PCNX1: variants seen among roughly 807,000 people sequenced by gnomAD.
PCNX1 encodes the protein pecanex-like protein 1.
PCNX1 carries 78 observed loss-of-function variants against 242.2 expected under a neutral mutation model. That is an observed-to-expected ratio of 0.32 (90% CI 0.27 to 0.39). The LOEUF is 0.39. PCNX1 is among the 10% of genes least tolerant of loss of function. The pLI is 1.00. For missense variants in PCNX1, 2,581 were observed against 2,856.5 expected (o/e 0.90, Z 2.20); for synonymous variants, 1,024 against 1,032.9 (o/e 0.99, Z 0.17).
chr14:71,105,420 C>T lies in PCNX1; in HGVS notation c.6281C>T (p.Thr2094Ile), dbSNP rs780711212. ...GSGTGLHPPVTSYPPTLGTSH... is the reference protein window; with the variant it reads ...GSGTGLHPPVISYPPTLGTSH... Reference sequence around the variant, plus strand: ...GGAACTGGACTCCACCCACCTGTCACATCTTATCCTCCAACACTAGGTAAT... The same window carrying T: ...GGAACTGGACTCCACCCACCTGTCATATCTTATCCTCCAACACTAGGTAAT... The change falls in exon 33 of 36, where the codon ACA becomes ATA. Residue 2094 changes from threonine (T) to isoleucine (I), a missense_variant. Thr to Ile is a moderately conservative substitution (Grantham distance 89). Transcript: ENST00000304743. 2 of 1,613,782 alleles carry T rather than the reference C, an allele frequency of 1.2e-6. No individual in the cohort carries two copies. The highest frequency in any genetic ancestry group is 1.7e-6 in the Non-Finnish European group (2 of 1,179,668).
At chr14:70,944,198 G>A (rs1157039102) in intron 1 of PCNX1, among the ~76,000 whole-genome samples, 1 of 152,104 alleles carries the variant, frequency 6.6e-6, no homozygotes, top group Non-Finnish European at 1.5e-5. Flanking sequence ...CTTGCACCAT[G>A]TGCCTAGAAA....
chr14:71,069,574 T>G (rs1385047772), intron 26 of PCNX1, among the ~76,000 whole-genome samples: 1 of 152,230 alleles, frequency 6.6e-6, no homozygotes, highest in African/African-American at 2.4e-5. Flanking sequence ...AGTATCGCAG[T>G]AAAGCAAGTC....
intron 1 of PCNX1, among the ~76,000 whole-genome samples, chr14:70,938,379 A>G (rs540515103): frequency 5.9e-4 from 90 of 152,270 alleles, no homozygotes; most frequent in African/African-American, 1.9e-3. Flanking sequence ...TTCTGCATCT[A>G]TTGAGATAAT....
chr14:70,972,826 C>T (rs2058580892), intron 5 of PCNX1, among the ~76,000 whole-genome samples: 1 of 152,182 alleles, frequency 6.6e-6, no homozygotes, highest in Admixed American at 6.5e-5. Flanking sequence ...ATCAGAACTT[C>T]AGACCGTCCC....
In PCNX1 at chr14:70,950,415, T is replaced by TA. The variant is rs553994162; in HGVS notation, c.362+3293dup. On this transcript the variant is annotated intron_variant, in intron 2 of 35. Coordinates refer to ENST00000304743, the MANE Select transcript of PCNX1 (RefSeq NM_014982.3). ...CAATGTATTTTATCCTATTTTAAAT[T>TA]ATATCAATCATTTTGAAATTTAAAT... Among the ~76,000 whole-genome samples the TA allele has an allele frequency of 6.0e-3, 915 of 152,260 alleles. 6 individuals are homozygous for TA. The highest frequency in any genetic ancestry group is 7.9e-3 in the Non-Finnish European group (538 of 67,970).
chr14:71,081,070 T>C (rs2061842449), intron 28 of PCNX1, among the ~76,000 whole-genome samples: 1 of 152,258 alleles, frequency 6.6e-6, no homozygotes, highest in Admixed American at 6.5e-5. Context: ...GGAGAGTTTT[T>C]AGCATGAAGG....
At chr14:71,031,707 G>A (rs1342613382) in intron 16 of PCNX1, 11 of 879,488 alleles carry the variant, frequency 1.3e-5, no homozygotes, top group African/African-American at 1.2e-4. Flanking sequence ...GAGCTAAGTG[G>A]CCTTTGGCCT....
At chr14:70,910,031 CCCTCCTCCTCCTCCTCCTCCTCCT>C (rs146962491) in intron 1 of PCNX1, among the ~76,000 whole-genome samples, 1 of 9,652 alleles carries the variant, frequency 1.0e-4, no homozygotes, top group South Asian at 1.7e-3. Flanking sequence ...GACGACTCCT[CCCTCCTCCTCCTCCTCCTCCTCCT>C]CCTCCTCCCC....
At chr14:70,943,534 A>G (rs2057342608) in intron 1 of PCNX1, among the ~76,000 whole-genome samples, 1 of 152,220 alleles carries the variant, frequency 6.6e-6, no homozygotes, top group Non-Finnish European at 1.5e-5. Context: ...ATTTCTAAGC[A>G]GCAAAGTGTT....
chr14:71,056,507 A>G lies in PCNX1; in HGVS notation c.4636+945A>G, dbSNP rs544130744. On this transcript the variant is annotated intron_variant, in intron 25 of 35. Transcript: ENST00000304743. ...CATTAGAATTTGGAGTTTCCCTTTCATTATTTTATTCAATTAGACTGGGTT... is the reference window on the plus strand; with the variant it reads ...CATTAGAATTTGGAGTTTCCCTTTCGTTATTTTATTCAATTAGACTGGGTT... Among the ~76,000 whole-genome samples the G allele has an allele frequency of 2.0e-5, 3 of 152,244 alleles. No homozygotes were observed. The South Asian group carries it at 6.2e-4, about 32-fold the overall frequency.
At chr14:71,098,035 A>C (rs1240686271) in intron 30 of PCNX1, among the ~76,000 whole-genome samples, 2 of 152,154 alleles carry the variant, frequency 1.3e-5, no homozygotes, top group Non-Finnish European at 2.9e-5. Context: ...CATTTATTGA[A>C]TAGGGAGTCC....
intron 1 of PCNX1, among the ~76,000 whole-genome samples, chr14:70,943,863 TG>T (rs2057360453): frequency 6.6e-6 from 1 of 152,236 alleles, no homozygotes; most frequent in African/African-American, 2.4e-5. Flanking sequence ...GGGGCCAATG[TG>T]CAGCTCAGGC....
At chr14:70,945,221 A>T (rs949761754) in intron 1 of PCNX1, among the ~76,000 whole-genome samples, 1 of 152,208 alleles carries the variant, frequency 6.6e-6, no homozygotes, top group Non-Finnish European at 1.5e-5. Context: ...GATTCCAAGG[A>T]TTTTAAGAGT....
chr14:70,930,589 T>A (rs1352854679), intron 1 of PCNX1, among the ~76,000 whole-genome samples: 1 of 152,094 alleles, frequency 6.6e-6, no homozygotes, highest in African/African-American at 2.4e-5. Flanking sequence ...CTATTATTTT[T>A]AATTCTATTT....
chr14:71,037,705 G>T (rs1443517404), intron 19 of PCNX1, among the ~76,000 whole-genome samples: 2 of 151,882 alleles, frequency 1.3e-5, no homozygotes, highest in Non-Finnish European at 2.9e-5. Context: ...ATTTTATTGA[G>T]GATTTTTGAA....
At chr14:71,024,022 T>TTTTGA (rs1182931453) in intron 13 of PCNX1, among the ~76,000 whole-genome samples, 1 of 152,182 alleles carries the variant, frequency 6.6e-6, no homozygotes, top group Non-Finnish European at 1.5e-5. Flanking sequence ...CAACTTTTTA[T>TTTTGA]TTTGACGTAA....
chr14:71,024,600 G>T (rs1471354458), intron 13 of PCNX1, among the ~76,000 whole-genome samples: 1 of 152,142 alleles, frequency 6.6e-6, no homozygotes, highest in African/African-American at 2.4e-5. Context: ...TACTGCAAAA[G>T]TGCATCATAT....
chr14:71,079,220 G>GGAATTTATA (rs1383303403), intron 28 of PCNX1, among the ~76,000 whole-genome samples: 17 of 152,096 alleles, frequency 1.1e-4, no homozygotes, highest in African/African-American at 3.9e-4. Flanking sequence ...TGTTGTATAT[G>GGAATTTATA]TGTCACATTT....
At position 71,109,439 on chromosome 14, in the gene PCNX1, A is replaced by G. The variant is rs2062709161; in HGVS notation, c.6745-13A>G. ...AAAAAAATGAATTGGAAATGTTTTT[A>G]TTTACCATGTAGATTGTGGATCCCA... is the stretch of plus-strand genomic sequence containing the variant. On this transcript the variant is annotated splice_polypyrimidine_tract_variant and intron_variant, in intron 34 of 35. Coordinates refer to ENST00000304743, the MANE Select transcript of PCNX1 (RefSeq NM_014982.3). 2 of 1,587,698 alleles carry G rather than the reference A, an allele frequency of 1.3e-6. No homozygotes were observed. Among genetic ancestry groups the G allele is most frequent in the Admixed American group, 1.9e-5 (1 of 53,412 alleles).
Sources: gnomAD v4.1 joint callset for allele counts (sites outside exome capture counted in the v4.1 genomes callset) on GRCh38, gnomAD v4.1.1 for gene constraint, MANE v1.5 for transcripts, NCBI Gene and HGNC (gene_info 2026-07-23, HGNC 2026-07-21) for gene names.